Variants in LATS2 observed in about 807,000 individuals in gnomAD.
The protein encoded by LATS2 is large tumor suppressor kinase 2.
A neutral mutation model predicts 76.0 loss-of-function variants in LATS2; 24 were observed. The observed-to-expected ratio is 0.32, with a 90% CI of 0.23 to 0.44. LATS2 has a LOEUF of 0.44. Among genes scored for constraint, LATS2 ranks in the 20% least tolerant of loss-of-function variants. LATS2 has a pLI of 1.00. For synonymous variants in LATS2, 692 were observed against 635.4 expected, an observed-to-expected ratio of 1.09 and a Z score of -1.34; for missense variants, 1,286 against 1,481.2, an observed-to-expected ratio of 0.87 and a Z score of 2.16.
chr13:21,003,388 G>A (rs932761410), intron 2 of LATS2, among the ~76,000 whole-genome samples: 2 of 151,784 alleles, frequency 1.3e-5, no homozygotes, highest in African/African-American at 4.8e-5. Context: ...TGAGTAGCTG[G>A]GACTACAGGT....
chr13:21,010,432 C>T (rs1272112442), intron 2 of LATS2, among the ~76,000 whole-genome samples: 1 of 152,126 alleles, frequency 6.6e-6, no homozygotes, highest in African/African-American at 2.4e-5. Flanking sequence ...AGGCCCCACC[C>T]TATAGTCCTT....
chr13:20,993,578 G>A lies in LATS2; in HGVS notation c.343-2174C>T, dbSNP rs375919132. On this transcript the variant is annotated intron_variant, in intron 2 of 7. Transcript: ENST00000382592. ...CATGTTGCCTGCCCATGTGGGACAT[G>A]GGACATGAAGTGACAGATTGGAAAA... Among the ~76,000 whole-genome samples, 17 of 151,998 alleles carry A rather than the reference G, an allele frequency of 1.1e-4. No individual in the cohort carries two copies. The East Asian group carries it at 3.1e-3, about 28-fold the overall frequency.
At chr13:20,985,634 A>C (rs1373253798) in intron 4 of LATS2, among the ~76,000 whole-genome samples, 1 of 152,152 alleles carries the variant, frequency 6.6e-6, no homozygotes, top group Admixed American at 6.6e-5. Context: ...AGCTCTCAGG[A>C]GGCTGAGGCA....
At chr13:21,036,887 A>G (rs1872700610) in intron 2 of LATS2, among the ~76,000 whole-genome samples, 1 of 152,238 alleles carries the variant, frequency 6.6e-6, no homozygotes. Context: ...CAGGGTTGGA[A>G]GTATAAATTC....
rs561402991 is a variant in LATS2 at position 20,991,479 on chromosome 13, C to T, written c.343-75G>A. ...CCACCAAAGACTCCCATCCCCACTCCGTGCTGGACTGTGCTGGGACACTTC... is the reference window on the plus strand; with the variant it reads ...CCACCAAAGACTCCCATCCCCACTCTGTGCTGGACTGTGCTGGGACACTTC... On this transcript the variant is annotated intron_variant, in intron 2 of 7. Transcript: ENST00000382592. The surrounding 1 kb of genome is among the most constrained non-coding windows in gnomAD (Gnocchi z 4.9). 1.3e-5 allele frequency: 20 copies of T among 1,554,744 alleles called. No homozygotes were observed. Among genetic ancestry groups the T allele is most frequent in the African/African-American group, 2.7e-5 (2 of 74,014 alleles).
rs967494084 is a variant in LATS2, at chr13:20,991,841, C to T, written c.343-437G>A. ...ACTCTGGGACTAGGAAACCTGTCCC[C>T]AGGGAGAGGGTGCAGCTGCCGAAGA... On this transcript the variant is annotated intron_variant, in intron 2 of 7. Coordinates refer to ENST00000382592, the MANE Select transcript of LATS2 (RefSeq NM_014572.3). The surrounding 1 kb of genome is among the most constrained non-coding windows in gnomAD (Gnocchi z 4.9). 2.0e-5 allele frequency among the ~76,000 whole-genome samples: 3 copies of T among 152,152 alleles called. No homozygotes were observed. The highest frequency in any genetic ancestry group is 4.4e-5 in the Non-Finnish European group (3 of 68,034).
At chr13:21,039,768 TG>T (rs1360587997) in intron 2 of LATS2, among the ~76,000 whole-genome samples, 11 of 152,240 alleles carry the variant, frequency 7.2e-5, no homozygotes, top group African/African-American at 2.6e-4. Flanking sequence ...GGAGCATCCT[TG>T]GGGTTAGAAA....
rs912875984 is a variant in LATS2, at chr13:20,973,978, C to G, written c.*892G>C. On this transcript the variant is annotated 3_prime_UTR_variant, in exon 8 of 8. Transcript: ENST00000382592. ...TATGACAAATGTTTCAGTTCCCCCCCCCCAAAGAATCCAATCACAACCAAG... is the reference window on the plus strand; with the variant it reads ...TATGACAAATGTTTCAGTTCCCCCCGCCCAAAGAATCCAATCACAACCAAG... The G allele has an allele frequency of 1.0e-5, 2 of 199,638 alleles. No homozygotes were observed. The highest frequency in any genetic ancestry group is 2.1e-4 in the South Asian group (1 of 4,756). 12.4% of individuals were successfully genotyped at this position (199,638 alleles called of 1,614,324 possible). A position where few individuals can be genotyped will look rare whatever the true frequency, so the allele number is the denominator to read the frequency against.
chr13:21,059,597 A>AC (rs1439712615), intron 1 of LATS2, among the ~76,000 whole-genome samples: 3 of 151,560 alleles, frequency 2.0e-5, no homozygotes, highest in Non-Finnish European at 4.4e-5. Context: ...AACGTCTCAA[A>AC]AAACAACAAC....
At chr13:20,996,377 ATTTTT>A (rs34278498) in intron 2 of LATS2, among the ~76,000 whole-genome samples, 46 of 136,828 alleles carry the variant, frequency 3.4e-4, no homozygotes, top group Non-Finnish European at 4.0e-4. Flanking sequence ...GTGGTAGAAG[ATTTTT>A]TTTTTTTTTT....
At chr13:21,010,523 C>G (rs1260209765) in intron 2 of LATS2, among the ~76,000 whole-genome samples, 1 of 151,982 alleles carries the variant, frequency 6.6e-6, no homozygotes, top group African/African-American at 2.4e-5. Flanking sequence ...CAAACAAAGC[C>G]GGAACAAACA....
Position 20,987,898 on chromosome 13 carries a change from C to G in LATS2, c.1882G>C (p.Glu628Gln), listed in dbSNP as rs2138284435. The G allele has an allele frequency of 6.2e-7, 1 of 1,612,342 alleles. No individual in the cohort carries two copies. The highest frequency in any genetic ancestry group is 8.5e-7 in the Non-Finnish European group (1 of 1,178,760). ...QQKVNRRLQL[E>Q]QEMAKAGLCE... is the part of the protein sequence containing the mutation. ...GAAATTACTTTGGCCATTTCTTGCT[C>G]CAGCTGCAGCCTCCGGTTAACCTTC... Residue 628 changes from glutamate (E) to glutamine (Q), a missense_variant, in exon 4 of 8, where the codon GAG becomes CAG. Coordinates refer to ENST00000382592, the MANE Select transcript of LATS2 (RefSeq NM_014572.3).
intron 2 of LATS2, among the ~76,000 whole-genome samples, chr13:21,006,205 A>AG (rs1271624749): frequency 1.4e-5 from 2 of 144,308 alleles, no homozygotes; most frequent in Admixed American, 7.1e-5. Context: ...ATCATGTGTG[A>AG]GGAAAAAAAA....
At chr13:21,002,208 C>A (rs535041898) in intron 2 of LATS2, among the ~76,000 whole-genome samples, 16 of 151,666 alleles carry the variant, frequency 1.1e-4, no homozygotes, top group Non-Finnish European at 2.2e-4. Context: ...CCACTGCGCC[C>A]GGCCAAAAAG....
At chr13:21,009,226 G>A (rs1871477392) in intron 2 of LATS2, among the ~76,000 whole-genome samples, 1 of 152,212 alleles carries the variant, frequency 6.6e-6, no homozygotes, top group Non-Finnish European at 1.5e-5. Flanking sequence ...CAGCTCTTTT[G>A]TGCCTTGGCT....
At chr13:20,986,171 A>C (rs1402544919) in intron 4 of LATS2, among the ~76,000 whole-genome samples, 1 of 152,262 alleles carries the variant, frequency 6.6e-6, no homozygotes, top group Non-Finnish European at 1.5e-5. Context: ...AACCACAATG[A>C]GATATAATCT....
At chr13:21,006,897 C>T (rs1871286208) in intron 2 of LATS2, among the ~76,000 whole-genome samples, 1 of 152,168 alleles carries the variant, frequency 6.6e-6, no homozygotes, top group South Asian at 2.1e-4. Context: ...GGGAAAGGGA[C>T]ATTTGGATGC....
At chr13:21,006,554 G>A (rs1489286350) in intron 2 of LATS2, among the ~76,000 whole-genome samples, 16 of 152,202 alleles carry the variant, frequency 1.1e-4, no homozygotes, top group Admixed American at 8.5e-4. Flanking sequence ...ATGTGACTCC[G>A]GAAGAGCAGA....
At chr13:21,050,113 C>CT in intron 1 of LATS2, among the ~76,000 whole-genome samples, 1 of 29,942 alleles carries the variant, frequency 3.3e-5, no homozygotes, top group Non-Finnish European at 8.3e-5. Context: ...GAGGGAGACT[C>CT]TGTCTCATAG....
Sources: gnomAD v4.1 joint callset for allele counts (sites outside exome capture counted in the v4.1 genomes callset) on GRCh38, gnomAD v4.1.1 for gene constraint, Gnocchi (gnomAD v3.1) non-coding constraint, MANE v1.5 for transcripts, NCBI Gene and HGNC (gene_info 2026-07-23, HGNC 2026-07-21) for gene names.